Variants in APBA2 observed in about 807,000 individuals in gnomAD.
APBA2 encodes the protein amyloid beta precursor protein binding family A member 2, also known as amyloid-beta A4 precursor protein-binding family A member 2.
In APBA2, 30 loss-of-function variants were observed where a neutral mutation model predicts 75.0. That is an observed-to-expected ratio of 0.40 (90% confidence interval 0.30 to 0.54). APBA2 has a LOEUF of 0.54. Among genes scored for constraint, APBA2 ranks in the 20% least tolerant of loss-of-function variants. The probability of loss-of-function intolerance (pLI) is 0.49; values close to 1 mark genes in which losing one functional copy is unlikely to be tolerated. For synonymous variants in APBA2, 444 were observed against 409.6 expected (o/e 1.08, Z -1.01); for missense variants, 801 against 1,016.1 (o/e 0.79, Z 2.88).
chr15:28,898,326 G>T (rs36179052), intron 1 of APBA2, among the ~76,000 whole-genome samples: 111,142 of 152,110 alleles, frequency 0.73, 40,874 homozygotes, highest in Middle Eastern at 0.89. Context: ...AAAGTGCAAA[G>T]AAACCAGATG....
chr15:29,106,572 C>G (rs200801103), intron 11 of APBA2, 35 bp from the exon 12 acceptor site: 3 of 1,611,156 alleles, frequency 1.9e-6, no homozygotes, highest in Admixed American at 3.3e-5. Context: ...CGGTCCTTGC[C>G]GCCAGCCCCT....
At chr15:29,065,701 G>A (rs1444172807) in intron 4 of APBA2, among the ~76,000 whole-genome samples, 1 of 152,140 alleles carries the variant, frequency 6.6e-6, no homozygotes, top group Non-Finnish European at 1.5e-5. Flanking sequence ...CTCTCCAGCT[G>A]AGACCAAGCC....
At chr15:28,994,678 TA>T in intron 2 of APBA2, among the ~76,000 whole-genome samples, 1 of 152,204 alleles carries the variant, frequency 6.6e-6, no homozygotes, top group Non-Finnish European at 1.5e-5. Flanking sequence ...AACCCTCTGC[TA>T]GGGGTGTCTA....
At chr15:28,941,615 G>A (rs1450425579) in intron 2 of APBA2, among the ~76,000 whole-genome samples, 3 of 152,080 alleles carry the variant, frequency 2.0e-5, no homozygotes, top group African/African-American at 7.2e-5. Flanking sequence ...GCAGGGTGGG[G>A]CTATGATTAC....
rs531588770 is a variant in APBA2, at chr15:29,117,516, C to T, written c.*383C>T. On this transcript the variant is annotated 3_prime_UTR_variant, in exon 15 of 15. Transcript: ENST00000683413. Reference sequence around the variant, plus strand: ...GGACGCGGCTCCCGGGGCAGGGCAGCCGTCACCCCTGCCTCCCGCCCCCTT... The same window carrying T: ...GGACGCGGCTCCCGGGGCAGGGCAGTCGTCACCCCTGCCTCCCGCCCCCTT... 23 of 277,572 alleles carry T rather than the reference C, an allele frequency of 8.3e-5. No individual in the cohort carries two copies. The South Asian group carries it at 9.3e-4, about 11-fold the overall frequency. The allele number at this position is 277,572 out of a possible 1,614,324, so 17.2% of individuals were successfully genotyped here. A position where few individuals can be genotyped will look rare whatever the true frequency, so the allele number is the denominator to read the frequency against.
Position 28,892,168 on chromosome 15 carries a change from G to A in APBA2, c.-205+5890G>A, listed in dbSNP as rs560475550. 3.5e-4 allele frequency among the ~76,000 whole-genome samples: 53 copies of A among 152,302 alleles called. 1 individual carries two copies. In the Middle Eastern group the frequency reaches 0.01, roughly 29 times the overall value. Reference sequence around the variant, plus strand: ...CAGCTCACGGCAAGCTCTGCCTCACGGGTTCATGCCATTCTCCTGCCTCAG... The same window carrying A: ...CAGCTCACGGCAAGCTCTGCCTCACAGGTTCATGCCATTCTCCTGCCTCAG... On this transcript the variant is annotated intron_variant, in intron 1 of 14. Coordinates refer to ENST00000683413, the MANE Select transcript of APBA2 (RefSeq NM_001353788.2).
intron 1 of APBA2, among the ~76,000 whole-genome samples, chr15:28,887,719 T>C (rs959587332): frequency 2.6e-5 from 4 of 152,100 alleles, no homozygotes; most frequent in South Asian, 2.1e-4. Flanking sequence ...CTCCAGGCAA[T>C]GTCCAGGGCG....
At chr15:29,004,079 T>G (rs1156528650) in intron 3 of APBA2, among the ~76,000 whole-genome samples, 1 of 152,164 alleles carries the variant, frequency 6.6e-6, no homozygotes, top group Non-Finnish European at 1.5e-5. Flanking sequence ...AGGGTCACAG[T>G]GGGCTGGTGG....
chr15:29,075,031 G>T (rs749969241), intron 5 of APBA2, 30 bp downstream of exon 5: 2 of 1,508,040 alleles, frequency 1.3e-6, no homozygotes, highest in Non-Finnish European at 1.8e-6. Context: ...AGAGTTCTGG[G>T]CTGGAACACT....
intron 2 of APBA2, among the ~76,000 whole-genome samples, chr15:28,995,393 A>T (rs1190352348): frequency 6.6e-6 from 1 of 152,230 alleles, no homozygotes; most frequent in South Asian, 2.1e-4. Context: ...GTGAAGCACC[A>T]GCTCTGCAAA....
Position 29,105,550 on chromosome 15 carries a change from T to A in APBA2, c.1696T>A (p.Cys566Ser), listed in dbSNP as rs760513126. Residue 566 changes from cysteine (C) to serine (S), a missense_variant, in exon 11 of 15, where the codon TGC becomes AGC. Cys to Ser is a moderately radical substitution (Grantham distance 112, BLOSUM62 -1). This residue lies in a region of APBA2 where 367 missense variants were observed against 544.5 expected (regional missense o/e 0.67). Coordinates refer to ENST00000683413, the MANE Select transcript of APBA2 (RefSeq NM_001353788.2). ...CATCCACTTCTCAAACTCGGAGAAC[T>A]GCAAGGAGGTAAGCCACACCCACCA... Reference protein sequence around the residue: ...DLIHFSNSENCKELQLEKHKG... With the variant: ...DLIHFSNSENSKELQLEKHKG... 3 of 1,613,428 alleles carry A rather than the reference T, an allele frequency of 1.9e-6. No homozygotes were observed. Among genetic ancestry groups the A allele is most frequent in the Non-Finnish European group, 2.5e-6 (3 of 1,180,014 alleles).
rs1416608918 is a variant in APBA2, at chr15:29,118,145, G to GTCTC, written c.*1014_*1017dup. 1 of 152,670 alleles carries GTCTC rather than the reference G, an allele frequency of 6.6e-6. No homozygotes were observed. The highest frequency in any genetic ancestry group is 2.4e-5 in the African/African-American group (1 of 41,450). The allele number at this position is 152,670 out of a possible 1,614,324, so 9.5% of individuals were successfully genotyped here. Reference sequence around the variant, plus strand: ...TAATCTGACGTCATCTTGTCTCGAAGTCTCTTTTTTTGGCCCAGGCCTTGA... The same window carrying GTCTC: ...TAATCTGACGTCATCTTGTCTCGAAGTCTCTCTCTTTTTTTGGCCCAGGCCTTGA... On this transcript the variant is annotated 3_prime_UTR_variant, in exon 15 of 15. Transcript: ENST00000683413.
At chr15:28,902,495 C>T (rs2032921567) in intron 1 of APBA2, among the ~76,000 whole-genome samples, 1 of 152,172 alleles carries the variant, frequency 6.6e-6, no homozygotes. Context: ...GACAGCTGAA[C>T]ATGATGTGCT....
chr15:29,038,396 T>C (rs781741653), intron 3 of APBA2, among the ~76,000 whole-genome samples: 34 of 152,230 alleles, frequency 2.2e-4, no homozygotes, highest in Non-Finnish European at 4.1e-4. Flanking sequence ...CCGTAGGTCA[T>C]CCTTGAATGG....
chr15:28,926,809 TTTC>T (rs1158703729), intron 2 of APBA2, among the ~76,000 whole-genome samples: 6 of 151,960 alleles, frequency 3.9e-5, no homozygotes, highest in African/African-American at 1.4e-4. Context: ...AGGTTGGTGG[TTTC>T]TTCTTTCAAA....
chr15:28,982,271 A>G (rs1368942291), intron 2 of APBA2, among the ~76,000 whole-genome samples: 1 of 152,228 alleles, frequency 6.6e-6, no homozygotes, highest in Non-Finnish European at 1.5e-5. Context: ...CAACATATTG[A>G]CACAAGGCAG....
chr15:28,994,880 C>T (rs568935039), intron 2 of APBA2, among the ~76,000 whole-genome samples: 251 of 152,324 alleles, frequency 1.6e-3, no homozygotes, highest in African/African-American at 5.9e-3. Context: ...CGCAGCCATT[C>T]GTGAAGGGCT....
chr15:29,054,034 C>T lies in APBA2; in HGVS notation c.150C>T (p.Ala50=). The part of the protein sequence containing the change: ...GYVPEGLELA[A]LRPESPAPEE... Reference sequence around the variant, plus strand: ...TGCCCGAGGGCCTGGAGCTGGCTGCCCTGCGGCCAGAGAGCCCCGCGCCAG... The same window carrying T: ...TGCCCGAGGGCCTGGAGCTGGCTGCTCTGCGGCCAGAGAGCCCCGCGCCAG... Residue 50 remains alanine (A), a synonymous_variant, in exon 4 of 15, where the codon GCC becomes GCT. Transcript: ENST00000683413. The surrounding 1 kb of genome is among the most constrained non-coding windows in gnomAD (Gnocchi z 6.1). 3 of 1,613,832 alleles carry T rather than the reference C, an allele frequency of 1.9e-6. No individual in the cohort carries two copies. The highest frequency in any genetic ancestry group is 1.7e-6 in the Non-Finnish European group (2 of 1,180,018).
chr15:28,918,745 C>T lies in APBA2; in HGVS notation c.-204-2895C>T, dbSNP rs1260363149. Among the ~76,000 whole-genome samples, 2 of 152,164 alleles carry T rather than the reference C, an allele frequency of 1.3e-5. No homozygotes were observed. Among genetic ancestry groups the T allele is most frequent in the South Asian group, 2.1e-4 (1 of 4,828 alleles). Reference sequence around the variant, plus strand: ...GCCATGGCAGCTGGAGAGCGGGCGACCGGTCGCTTGGCGTCCTGCTTGGGG... The same window carrying T: ...GCCATGGCAGCTGGAGAGCGGGCGATCGGTCGCTTGGCGTCCTGCTTGGGG... On this transcript the variant is annotated intron_variant, in intron 1 of 14. Transcript: ENST00000683413. The surrounding 1 kb of genome is among the most constrained non-coding windows in gnomAD (Gnocchi z 4.2).
Sources: gnomAD v4.1 joint callset for allele counts (sites outside exome capture counted in the v4.1 genomes callset) on GRCh38, gnomAD v4.1.1 for gene constraint, gnomAD v4.1.1 regional missense constraint, Gnocchi (gnomAD v3.1) non-coding constraint, MANE v1.5 for transcripts, NCBI Gene and HGNC (gene_info 2026-07-23, HGNC 2026-07-21) for gene names.